MMP16: variants seen among roughly 807,000 people sequenced by gnomAD.
MMP16 encodes matrix metallopeptidase 16.
MMP16 carries 12 observed loss-of-function variants against 67.8 expected under a neutral mutation model. The observed-to-expected ratio is 0.18, with a 90% CI of 0.11 to 0.29. MMP16 has a LOEUF of 0.29. Ranked by LOEUF, MMP16 falls within the 10% of genes least tolerant of loss-of-function variation. MMP16 has a pLI of 1.00. For missense variants in MMP16, 475 were observed against 765.7 expected, an observed-to-expected ratio of 0.62 and a Z score of 4.48; for synonymous variants, 249 against 255.9, an observed-to-expected ratio of 0.97 and a Z score of 0.26.
chr8:88,093,715 A>G (rs1004869480), intron 6 of MMP16, among the ~76,000 whole-genome samples: 1 of 151,904 alleles, frequency 6.6e-6, no homozygotes, highest in Non-Finnish European at 1.5e-5. Context: ...AGCATTTTTA[A>G]TAGCACAGGA....
intron 1 of MMP16, among the ~76,000 whole-genome samples, chr8:88,291,309 A>C (rs1012556977): frequency 2.0e-5 from 3 of 152,154 alleles, no homozygotes; most frequent in African/African-American, 7.2e-5. Flanking sequence ...GAAAATAATA[A>C]GGTCAACTTT....
At chr8:88,295,309 T>C (rs528940733) in intron 1 of MMP16, among the ~76,000 whole-genome samples, 6 of 152,304 alleles carry the variant, frequency 3.9e-5, no homozygotes, top group African/African-American at 1.4e-4. Flanking sequence ...AAATACTTGA[T>C]TGTTTACTCT....
At chr8:88,274,934 C>T (rs1810622001) in intron 1 of MMP16, among the ~76,000 whole-genome samples, 1 of 136,516 alleles carries the variant, frequency 7.3e-6, no homozygotes, top group Admixed American at 8.3e-5. Context: ...GATATGTATA[C>T]AAACTCACAT....
intron 1 of MMP16, among the ~76,000 whole-genome samples, chr8:88,320,280 G>T (rs1326935698): frequency 6.6e-6 from 1 of 152,144 alleles, no homozygotes; most frequent in African/African-American, 2.4e-5. Flanking sequence ...CTTTAGTCTC[G>T]TGAGCTTTTA....
chr8:88,324,289 G>A (rs1017404521), intron 1 of MMP16, among the ~76,000 whole-genome samples: 4 of 151,992 alleles, frequency 2.6e-5, no homozygotes, highest in Admixed American at 6.6e-5. Flanking sequence ...CTCTCACTTC[G>A]ATAATTGACA....
chr8:88,177,730 T>C (rs924725181), intron 3 of MMP16, among the ~76,000 whole-genome samples: 2 of 152,142 alleles, frequency 1.3e-5, no homozygotes, highest in African/African-American at 4.8e-5. Context: ...CAGCTCAACC[T>C]CCTTTTGCCT....
At chr8:88,062,815 T>C (rs897356784) in intron 7 of MMP16, among the ~76,000 whole-genome samples, 1 of 152,034 alleles carries the variant, frequency 6.6e-6, no homozygotes, top group African/African-American at 2.4e-5. Context: ...ATAAAAAAAA[T>C]TAAAAAAGAA....
intron 6 of MMP16, among the ~76,000 whole-genome samples, chr8:88,107,136 T>C (rs553383002): frequency 1.3e-5 from 2 of 151,300 alleles, no homozygotes; most frequent in East Asian, 3.9e-4. Context: ...CATCTAGCAG[T>C]CTCTAAATGT....
At chr8:88,233,031 T>C (rs528469641) in intron 1 of MMP16, among the ~76,000 whole-genome samples, 14 of 152,286 alleles carry the variant, frequency 9.2e-5, no homozygotes, top group African/African-American at 3.4e-4. Context: ...CCTGTGTGAC[T>C]TTGAGCAACT....
At chr8:88,076,135 T>A (rs1419103736) in intron 6 of MMP16, among the ~76,000 whole-genome samples, 1 of 152,054 alleles carries the variant, frequency 6.6e-6, no homozygotes, top group South Asian at 2.1e-4. Flanking sequence ...TTATTTTTTT[T>A]AAAAGGAGGA....
At chr8:88,097,625 C>CAAAAAAAAAAAAAAAAAAAAAAA (rs34488162) in intron 6 of MMP16, among the ~76,000 whole-genome samples, 1 of 67,496 alleles carries the variant, frequency 1.5e-5, no homozygotes, top group Non-Finnish European at 2.7e-5. Flanking sequence ...AACCCTGTCT[C>CAAAAAAAAAAAAAAAAAAAAAAA]AAAAAAAAAA....
chr8:88,291,148 G>T (rs912601553), intron 1 of MMP16, among the ~76,000 whole-genome samples: 1 of 151,938 alleles, frequency 6.6e-6, no homozygotes, highest in Admixed American at 6.6e-5. Flanking sequence ...AGATATGATG[G>T]TGGATGCTTG....
chr8:88,241,630 G>A (rs139599776), intron 1 of MMP16, among the ~76,000 whole-genome samples: 1 of 152,090 alleles, frequency 6.6e-6, no homozygotes, highest in East Asian at 1.9e-4. Flanking sequence ...TTTGATATAA[G>A]TATACATTGT....
chr8:88,303,351 C>G (rs1347240811), intron 1 of MMP16, among the ~76,000 whole-genome samples: 3 of 152,192 alleles, frequency 2.0e-5, no homozygotes, highest in African/African-American at 7.2e-5. Context: ...TGGCCACCAT[C>G]TCTGTGGTTT....
intron 1 of MMP16, among the ~76,000 whole-genome samples, chr8:88,262,358 A>G (rs187723423): frequency 5.3e-4 from 80 of 152,310 alleles, no homozygotes; most frequent in African/African-American, 1.7e-3. Context: ...ATTTTCCAAG[A>G]GCTTGGCATG....
intron 7 of MMP16, among the ~76,000 whole-genome samples, chr8:88,073,263 C>T (rs987365542): frequency 2.6e-5 from 4 of 152,114 alleles, no homozygotes; most frequent in African/African-American, 9.7e-5. Flanking sequence ...CGGTGCACCG[C>T]CACTTTTTTA....
intron 1 of MMP16, among the ~76,000 whole-genome samples, chr8:88,269,700 C>T (rs553145359): frequency 2.6e-5 from 4 of 152,266 alleles, no homozygotes; most frequent in South Asian, 2.1e-4. Context: ...GTTAATCAGA[C>T]ACCTCCTAGA....
At chr8:88,285,912 T>C (rs925056543) in intron 1 of MMP16, among the ~76,000 whole-genome samples, 6 of 152,158 alleles carry the variant, frequency 3.9e-5, no homozygotes, top group Non-Finnish European at 8.8e-5. Context: ...TGTTATGTCA[T>C]CTCATCCTCC....
intron 1 of MMP16, among the ~76,000 whole-genome samples, chr8:88,300,162 T>C (rs7816934): frequency 0.17 from 26,538 of 152,130 alleles, 3,003 homozygotes; most frequent in African/African-American, 0.3. Context: ...TAGAAAATTA[T>C]AAATGCATTC....
Sources: allele counts gnomAD v4.1 joint callset (sites outside exome capture counted in the v4.1 genomes callset), GRCh38; gene constraint gnomAD v4.1.1; transcripts MANE v1.5; gene names NCBI Gene and HGNC (gene_info 2026-07-23, HGNC 2026-07-21).